ANKRD28: variants seen among roughly 807,000 people sequenced by gnomAD.
The protein encoded by ANKRD28 is serine/threonine-protein phosphatase 6 regulatory ankyrin repeat subunit A.
In ANKRD28, 44 loss-of-function variants were observed where a neutral mutation model predicts 126.5. The observed-to-expected ratio is 0.35, with a 90% CI of 0.27 to 0.45. ANKRD28 has a LOEUF of 0.45. Among genes scored for constraint, ANKRD28 ranks in the 20% least tolerant of loss-of-function variants. The pLI is 1.00. For synonymous variants in ANKRD28, 442 were observed against 468.5 expected, an observed-to-expected ratio of 0.94 and a Z score of 0.73; for missense variants, 1,110 against 1,316.6, an observed-to-expected ratio of 0.84 and a Z score of 2.43.
chr3:15,810,021 TAGAC>T (rs1311459348), intron 1 of ANKRD28, among the ~76,000 whole-genome samples: 3 of 152,136 alleles, frequency 2.0e-5, no homozygotes, highest in Admixed American at 6.5e-5. Flanking sequence ...GGTGGAAAAT[TAGAC>T]AGCAGCGAGA....
intron 3 of ANKRD28, among the ~76,000 whole-genome samples, chr3:15,765,181 T>C (rs191558730): frequency 3.3e-5 from 5 of 152,176 alleles, no homozygotes; most frequent in African/African-American, 1.2e-4. Flanking sequence ...AACAAAAGTA[T>C]TTCTAAACTC....
In ANKRD28 at chr3:15,857,996, A is replaced by G. The variant is rs536158563; in HGVS notation, c.27+1381T>C. On this transcript the variant is annotated intron_variant, in intron 1 of 27. Transcript: ENST00000399451. ...TATAAGATGCACGGACTGTACTGGA[A>G]TTAGCAGAAATGGTTCCTGCTATAA... Among the ~76,000 whole-genome samples, 3 of 152,358 alleles carry G rather than the reference A, an allele frequency of 2.0e-5. No homozygotes were observed. In the South Asian group the frequency reaches 6.2e-4, roughly 32 times the overall value.
chr3:15,796,059 C>G (rs1333125843), intron 1 of ANKRD28, among the ~76,000 whole-genome samples: 3 of 152,068 alleles, frequency 2.0e-5, no homozygotes, highest in Non-Finnish European at 4.4e-5. Context: ...GGTAGTCAAC[C>G]TTTCCTAAAA....
At chr3:15,683,151 T>C (rs747488491) in intron 21 of ANKRD28, among the ~76,000 whole-genome samples, 1 of 152,192 alleles carries the variant, frequency 6.6e-6, no homozygotes, top group Non-Finnish European at 1.5e-5. Context: ...AGGAAAAATA[T>C]CTCACTGTGT....
chr3:15,685,379 C>T lies in ANKRD28; in HGVS notation c.2236G>A (p.Asp746Asn), dbSNP rs1428239666. 1.2e-6 allele frequency: 2 copies of T among 1,613,888 alleles called. No homozygotes were observed. The highest frequency in any genetic ancestry group is 1.7e-6 in the Non-Finnish European group (2 of 1,179,886). Reference protein sequence around the residue: ...LQHGAKCLLRDSRGRTPIHLS... With the variant: ...LQHGAKCLLRNSRGRTPIHLS... ...TGTATAGGCGTCCGGCCCCTGCTATCCCGAAGTAAGCACTTAGCACCATGT... is the reference window on the plus strand; with the variant it reads ...TGTATAGGCGTCCGGCCCCTGCTATTCCGAAGTAAGCACTTAGCACCATGT... Residue 746 changes from aspartate to asparagine, a missense_variant, in exon 21 of 28, where the codon GAT becomes AAT. By Grantham distance (23) the Asp-to-Asn change is conservative (BLOSUM62 1). Coordinates refer to ENST00000683139, the MANE Select transcript of ANKRD28 (RefSeq NM_001349278.2).
intron 27 of ANKRD28, among the ~76,000 whole-genome samples, chr3:15,674,704 C>T (rs2066756066): frequency 6.6e-6 from 1 of 151,888 alleles, no homozygotes; most frequent in African/African-American, 2.4e-5. Flanking sequence ...AGAATTGAGT[C>T]CTAGAAGAAG....
At chr3:15,855,597 A>G (rs1355689715) in intron 1 of ANKRD28, among the ~76,000 whole-genome samples, 1 of 152,234 alleles carries the variant, frequency 6.6e-6, no homozygotes, top group African/African-American at 2.4e-5. Context: ...GAATTCCTAA[A>G]CATGATACAA....
At chr3:15,783,182 A>G (rs2059615136) in intron 2 of ANKRD28, among the ~76,000 whole-genome samples, 1 of 152,040 alleles carries the variant, frequency 6.6e-6, no homozygotes, top group African/African-American at 2.4e-5. Flanking sequence ...GAACATATAA[A>G]TAAGAACTCT....
At chr3:15,762,832 TCTCATTTGCTTCTTTAAGC>T (rs1016633742) in intron 3 of ANKRD28, among the ~76,000 whole-genome samples, 4 of 152,200 alleles carry the variant, frequency 2.6e-5, no homozygotes, top group Non-Finnish European at 4.4e-5. Flanking sequence ...AATGACATAA[TCTCATTTGCTTCTTTAAGC>T]CTATAAATTT....
chr3:15,758,601 G>A (rs1431476259), intron 3 of ANKRD28, among the ~76,000 whole-genome samples: 1 of 152,144 alleles, frequency 6.6e-6, no homozygotes, highest in Non-Finnish European at 1.5e-5. Flanking sequence ...GGAAAATAAA[G>A]GGAGAAGACA....
intron 5 of ANKRD28, 42 bp downstream of exon 5, chr3:15,736,991 C>G (rs372343267): frequency 2.6e-5 from 41 of 1,589,924 alleles, no homozygotes; most frequent in Non-Finnish European, 3.5e-5. Context: ...GGGGGGTGGA[C>G]AGGAGGAGAG....
intron 5 of ANKRD28, among the ~76,000 whole-genome samples, 186 bp downstream of exon 5, chr3:15,736,847 T>C (rs1462290279): frequency 6.6e-6 from 1 of 152,222 alleles, no homozygotes; most frequent in Non-Finnish European, 1.5e-5. Context: ...AGGTTAACTG[T>C]GCACAAGTAG....
chr3:15,855,134 A>C (rs1438884531), intron 1 of ANKRD28, among the ~76,000 whole-genome samples: 2 of 152,308 alleles, frequency 1.3e-5, no homozygotes, highest in South Asian at 2.1e-4. Flanking sequence ...GTTCTTCTTC[A>C]AGTATTTCAT....
In ANKRD28 at chr3:15,668,496, A is replaced by T. The variant is rs561987129; in HGVS notation, c.*1774T>A. The T allele has an allele frequency of 6.6e-6, 1 of 152,666 alleles. No homozygotes were observed. The highest frequency in any genetic ancestry group is 1.9e-4 in the East Asian group (1 of 5,186). 9.5% of individuals were successfully genotyped at this position (152,666 alleles called of 1,614,324 possible). A position where few individuals can be genotyped will look rare whatever the true frequency, so the allele number is the denominator to read the frequency against. ...AAAGAAAAGATGGGGGATTAGATTT[A>T]TAATTTCTGTAAATATTTTAGAAAA... On this transcript the variant is annotated 3_prime_UTR_variant, in exon 28 of 28. Transcript: ENST00000683139.
At chr3:15,795,503 A>G (rs2060237001) in intron 1 of ANKRD28, among the ~76,000 whole-genome samples, 197 bp from the exon 2 acceptor site, 1 of 152,166 alleles carries the variant, frequency 6.6e-6, no homozygotes, top group Non-Finnish European at 1.5e-5. Flanking sequence ...AATTAAAAAA[A>G]AAAATCAATT....
chr3:15,849,391 C>A (rs2061591207), intron 1 of ANKRD28, among the ~76,000 whole-genome samples: 1 of 152,178 alleles, frequency 6.6e-6, no homozygotes, highest in South Asian at 2.1e-4. Context: ...CAATTTCAAA[C>A]TTACTACTGA....
At chr3:15,819,752 A>G (rs1431697768) in intron 1 of ANKRD28, among the ~76,000 whole-genome samples, 1 of 152,228 alleles carries the variant, frequency 6.6e-6, no homozygotes. Flanking sequence ...AAAATGTGTG[A>G]AACAGATACA....
intron 27 of ANKRD28, among the ~76,000 whole-genome samples, chr3:15,673,037 A>C (rs1223150609): frequency 6.6e-6 from 1 of 152,334 alleles, no homozygotes; most frequent in East Asian, 1.9e-4. Context: ...TGTGCCTCCC[A>C]AAGTGCTAGG....
rs749707854 is a variant in ANKRD28, at chr3:15,735,462, A to C, written c.588T>G (p.Ile196Met). ...GCCTATCTTTCTTGTCAAAAGCATT[A>C]ATATTGGCACCTCTAGACAAGAGTA... ...VKLLLSRGAN[I>M]NAFDKKDRRA... Residue 196 changes from isoleucine (I) to methionine (M), a missense_variant, in exon 6 of 28, where the codon ATT (isoleucine) becomes ATG (methionine). Ile to Met is a conservative substitution (Grantham distance 10). Transcript: ENST00000683139. 2 of 1,559,988 alleles carry C rather than the reference A, an allele frequency of 1.3e-6. No homozygotes were observed. The highest frequency in any genetic ancestry group is 1.7e-6 in the Non-Finnish European group (2 of 1,150,844).
Sources: gnomAD v4.1 joint callset for allele counts (sites outside exome capture counted in the v4.1 genomes callset) on GRCh38, gnomAD v4.1.1 for gene constraint, MANE v1.5 for transcripts, NCBI Gene and HGNC (gene_info 2026-07-23, HGNC 2026-07-21) for gene names.